SLC27A4: variants seen among roughly 807,000 people sequenced by gnomAD.
SLC27A4 encodes long-chain fatty acid transport protein 4.
Under a neutral mutation model 64.4 loss-of-function variants are expected in SLC27A4, and 33 were observed. The ratio of observed to expected loss-of-function variants is 0.51; its 90% CI spans 0.39 to 0.68. The LOEUF (loss-of-function observed/expected upper bound fraction) is 0.68. Among genes scored for constraint, SLC27A4 ranks in the 30% least tolerant of loss-of-function variants. The pLI is 0.00. For missense variants in SLC27A4, 824 were observed against 883.5 expected (o/e 0.93, Z 0.85); for synonymous variants, 377 against 370.0 (o/e 1.02, Z -0.22).
At chr9:128,342,302 A>C (rs758260014) in intron 1 of SLC27A4, 1 of 1,611,752 alleles carries the variant, frequency 6.2e-7, no homozygotes, top group Non-Finnish European at 8.5e-7. Flanking sequence ...ACAGAGATGC[A>C]AGAGAAAAAT....
chr9:128,356,140 G>A (rs1191627196), intron 12 of SLC27A4, among the ~76,000 whole-genome samples: 1 of 152,178 alleles, frequency 6.6e-6, no homozygotes, highest in African/African-American at 2.4e-5. Flanking sequence ...TGAGATTAGA[G>A]TTAAACAGAT....
rs751914757 is a variant in SLC27A4 at position 128,353,452 on chromosome 9, T to G, written c.1235T>G (p.Phe412Cys). Reference sequence around the variant, plus strand: ...GGTTTCAATAGCCGCATCCTGTCCTTCGTGTACCCCATCCGGTTGGTACGT... The same window carrying G: ...GGTTTCAATAGCCGCATCCTGTCCTGCGTGTACCCCATCCGGTTGGTACGT... The part of the protein sequence containing the change: ...ACGFNSRILS[F>C]VYPIRLVRVN... The change falls in exon 9 of 13, where the codon TTC becomes TGC. Residue 412 changes from phenylalanine to cysteine, a missense_variant. By Grantham distance (205) the Phe-to-Cys change is radical. Transcript: ENST00000300456. The surrounding 1 kb of genome is among the most constrained non-coding windows in gnomAD (Gnocchi z 4.9). 6.2e-7 allele frequency: 1 copy of G among 1,614,098 alleles called. No individual in the cohort carries two copies. The highest frequency in any genetic ancestry group is 8.5e-7 in the Non-Finnish European group (1 of 1,180,020).
chr9:128,360,429 C>A lies in SLC27A4; in HGVS notation c.1870C>A (p.Arg624Ser). 6.2e-7 allele frequency: 1 copy of A among 1,614,078 alleles called. No individual in the cohort carries two copies. Among genetic ancestry groups the A allele is most frequent in the South Asian group, 1.1e-5 (1 of 91,088 alleles). ...GTTCTATCTAGATGCCCAGAAGGGC[C>A]GCTACGTCCCGCTGGACCAAGAGGC... ...PLFYLDAQKG[R>S]YVPLDQEAYS... The change falls in exon 13 of 13, where the codon CGC becomes AGC. Residue 624 changes from arginine to serine, a missense_variant. Arg to Ser is a moderately radical substitution (Grantham distance 110). Transcript: ENST00000300456.
chr9:128,347,509 C>T (rs966174192), intron 3 of SLC27A4, among the ~76,000 whole-genome samples: 1 of 145,876 alleles, frequency 6.9e-6, no homozygotes, highest in Middle Eastern at 4.3e-3. Context: ...GGCAGGTCAC[C>T]TGAGCTCGAG....
chr9:128,341,561 A>G (rs1487628961), intron 1 of SLC27A4, among the ~76,000 whole-genome samples: 1 of 152,096 alleles, frequency 6.6e-6, no homozygotes, highest in Non-Finnish European at 1.5e-5. Flanking sequence ...CCTTTCAAGC[A>G]CTTCCAGGCT....
intron 1 of SLC27A4, among the ~76,000 whole-genome samples, chr9:128,341,644 C>T (rs1832573928): frequency 6.6e-6 from 1 of 152,192 alleles, no homozygotes; most frequent in Non-Finnish European, 1.5e-5. Context: ...GGGCAGGGAC[C>T]AAGCAGGGCT....
At position 128,343,250 on chromosome 9, in the gene SLC27A4, C is replaced by T. The variant is rs201114376; in HGVS notation, c.118C>T (p.Arg40Cys). 15 of 1,613,468 alleles carry T rather than the reference C, an allele frequency of 9.3e-6. No individual in the cohort carries two copies. Among genetic ancestry groups the T allele is most frequent in the East Asian group, 4.5e-5 (2 of 44,886 alleles). Reference sequence around the variant, plus strand: ...CCTCTACTTGGGATCTGGCGGCTGGCGCTTCATCCGGGTCTTCATCAAGAC... The same window carrying T: ...CCTCTACTTGGGATCTGGCGGCTGGTGCTTCATCCGGGTCTTCATCAAGAC... ...LFLYLGSGGW[R>C]FIRVFIKTIR... The change falls in exon 2 of 13, where the codon CGC becomes TGC. Residue 40 changes from arginine (R) to cysteine (C), a missense_variant. Transcript: ENST00000300456.
At position 128,348,529 on chromosome 9, in the gene SLC27A4, C is replaced by T. The variant is rs749483017; in HGVS notation, c.557-16C>T. ...GGTTTTCTGGCCTGCCTGCTGACTG[C>T]CCTGTCTCCCCACAGCCATCTGTGA... On this transcript the variant is annotated splice_polypyrimidine_tract_variant and intron_variant, in intron 3 of 12. Coordinates refer to ENST00000300456, the MANE Select transcript of SLC27A4 (RefSeq NM_005094.4). The T allele has an allele frequency of 1.2e-6, 2 of 1,612,572 alleles. No homozygotes were observed. Among genetic ancestry groups the T allele is most frequent in the Admixed American group, 3.3e-5 (2 of 60,034 alleles).
At chr9:128,352,856 G>A (rs1206912842) in intron 7 of SLC27A4, 109 bp downstream of exon 7, 6 of 1,088,750 alleles carry the variant, frequency 5.5e-6, no homozygotes, top group Non-Finnish European at 8.3e-6. Flanking sequence ...ATTCCAAAGG[G>A]CTCATTTGTG....
At position 128,343,195 on chromosome 9, in the gene SLC27A4, C is replaced by G. The variant is rs771351557; in HGVS notation, c.63C>G (p.Pro21=). 6.2e-7 allele frequency: 1 copy of G among 1,614,192 alleles called. No individual in the cohort carries two copies. Among genetic ancestry groups the G allele is most frequent in the East Asian group, 2.2e-5 (1 of 44,886 alleles). Reference sequence around the variant, plus strand: ...TCTCCAAGCTGGTGCTGAAACTGCCCTGGACCCAGGTGGGATTCTCCCTGT... The same window carrying G: ...TCTCCAAGCTGGTGCTGAAACTGCCGTGGACCCAGGTGGGATTCTCCCTGT... ...LLFSKLVLKL[P]WTQVGFSLLF... Residue 21 remains proline (P), a synonymous_variant, in exon 2 of 13, where the codon CCC becomes CCG. Coordinates refer to ENST00000300456, the MANE Select transcript of SLC27A4 (RefSeq NM_005094.4).
At chr9:128,343,005 G>A (rs1350998850) in intron 1 of SLC27A4, 122 bp from the exon 2 acceptor site, 2 of 1,309,190 alleles carry the variant, frequency 1.5e-6, no homozygotes, top group African/African-American at 2.9e-5. Flanking sequence ...ACCCAACTCA[G>A]TATGGCTAAG....
chr9:128,355,947 C>T (rs1832814481), intron 12 of SLC27A4, 151 bp downstream of exon 12: 2 of 1,016,406 alleles, frequency 2.0e-6, no homozygotes, highest in African/African-American at 3.2e-5. Context: ...GCAGACGGGG[C>T]TGGCAGAGAA....
In SLC27A4 at chr9:128,343,123, G is replaced by T. The variant is rs779984745; in HGVS notation, c.-6-4G>T. 1 of 1,612,866 alleles carries T rather than the reference G, an allele frequency of 6.2e-7. No individual in the cohort carries two copies. The highest frequency in any genetic ancestry group is 1.3e-5 in the African/African-American group (1 of 74,892). ...TGGGTCCACTAACTGCCCTGTGTCC[G>T]CAGGCCACAATGCTGCTTGGAGCCT... On this transcript the variant is annotated splice_polypyrimidine_tract_variant and splice_region_variant and intron_variant, in intron 1 of 12. Transcript: ENST00000300456.
chr9:128,354,269 T>C (rs1832783839), intron 9 of SLC27A4, among the ~76,000 whole-genome samples: 1 of 152,132 alleles, frequency 6.6e-6, no homozygotes, highest in South Asian at 2.1e-4. Flanking sequence ...TCATATTGAC[T>C]CCAAATGACC....
Position 128,355,409 on chromosome 9 carries a change from G to T in SLC27A4, c.1474G>T (p.Val492Leu), listed in dbSNP as rs1218102341. The change falls in exon 11 of 13, where the codon GTG becomes TTG. Residue 492 changes from valine (V) to leucine (L), a missense_variant. Transcript: ENST00000300456. ...DQAYLTGDVL[V>L]MDELGYLYFR... ...CGGCCCCTCCCTAGGTGATGTGCTG[G>T]TGATGGACGAGCTGGGCTACCTGTA... 5 of 1,613,578 alleles carry T rather than the reference G, an allele frequency of 3.1e-6. No homozygotes were observed. Among genetic ancestry groups the T allele is most frequent in the Non-Finnish European group, 4.2e-6 (5 of 1,180,040 alleles).
chr9:128,351,047 C>T (rs1329373323), intron 6 of SLC27A4, among the ~76,000 whole-genome samples: 1 of 151,468 alleles, frequency 6.6e-6, no homozygotes, highest in African/African-American at 2.4e-5. Flanking sequence ...GAGCCAAGAT[C>T]GTGCCACTGC....
chr9:128,355,210 C>T lies in SLC27A4; in HGVS notation c.1462+20C>T. 2 of 1,611,684 alleles carry T rather than the reference C, an allele frequency of 1.2e-6. No homozygotes were observed. Among genetic ancestry groups the T allele is most frequent in the Non-Finnish European group, 8.5e-7 (1 of 1,178,440 alleles). On this transcript the variant is annotated intron_variant, in intron 10 of 12. Coordinates refer to ENST00000300456, the MANE Select transcript of SLC27A4 (RefSeq NM_005094.4). ...TTACTGGTGGGTCCCCAGCCCTTCA[C>T]AGCCCCTTCCTGAGGGTTGGGGGAG...
chr9:128,342,268 T>C, intron 1 of SLC27A4: 1 of 1,611,324 alleles, frequency 6.2e-7, no homozygotes, highest in Non-Finnish European at 8.5e-7. Context: ...GATTGAGAAA[T>C]TCGATAAGTC....
Position 128,345,047 on chromosome 9 carries a change from G to A in SLC27A4, c.162-108G>A, listed in dbSNP as rs1321418510. ...CCAGGAGATAGAAGTGTTGTAGGGG[G>A]TCTGGCTCATGAAGCATAGGCTGGC... On this transcript the variant is annotated intron_variant, in intron 2 of 12. Coordinates refer to ENST00000300456, the MANE Select transcript of SLC27A4 (RefSeq NM_005094.4). This position sits in a 1 kb window ranked among gnomAD's most constrained non-coding sequence, Gnocchi z 4.1. 1.5e-6 allele frequency: 2 copies of A among 1,350,158 alleles called. No individual in the cohort carries two copies. The highest frequency in any genetic ancestry group is 1.4e-5 in the African/African-American group (1 of 69,758). The allele number at this position is 1,350,158 out of a possible 1,614,324, so 83.6% of individuals were successfully genotyped here.
Sources: gnomAD v4.1 joint callset for allele counts (sites outside exome capture counted in the v4.1 genomes callset) on GRCh38, gnomAD v4.1.1 for gene constraint, Gnocchi (gnomAD v3.1) non-coding constraint, MANE v1.5 for transcripts, NCBI Gene and HGNC (gene_info 2026-07-23, HGNC 2026-07-21) for gene names.